Variants in LRRC38 observed in about 807,000 individuals in gnomAD.
The protein encoded by LRRC38 is leucine rich repeat containing 38.
In LRRC38, 5 loss-of-function variants were observed where a neutral mutation model predicts 16.4. The observed-to-expected ratio is 0.31, with a 90% CI of 0.16 to 0.64. LRRC38 has a LOEUF of 0.64. LRRC38 is among the 30% of genes least tolerant of loss of function. The pLI is 0.80. For missense variants in LRRC38, 341 were observed against 401.8 expected (o/e 0.85, Z 1.29); for synonymous variants, 191 against 190.2 (o/e 1.00, Z -0.04).
At chr1:13,503,050 C>T (rs72646369) in intron 1 of LRRC38, among the ~76,000 whole-genome samples, 1 of 152,268 alleles carries the variant, frequency 6.6e-6, no homozygotes, top group Non-Finnish European at 1.5e-5. Flanking sequence ...GGGACATTTG[C>T]CACAGGGACC....
At chr1:13,481,596 C>T (rs576795057) in intron 1 of LRRC38, among the ~76,000 whole-genome samples, 6 of 151,576 alleles carry the variant, frequency 4.0e-5, no homozygotes, top group East Asian at 2.0e-4. Flanking sequence ...GGGGTTTCAC[C>T]GTGTTAGCCA....
At chr1:13,481,504 T>G (rs376740464) in intron 1 of LRRC38, among the ~76,000 whole-genome samples, 13 of 151,874 alleles carry the variant, frequency 8.6e-5, no homozygotes, top group South Asian at 4.2e-4. Context: ...CCATTCTCCT[T>G]CCTCAGCCTC....
chr1:13,475,696 C>G lies in LRRC38; in HGVS notation c.*150G>C. 1 of 919,084 alleles carries G rather than the reference C, an allele frequency of 1.1e-6. No individual in the cohort carries two copies. Among genetic ancestry groups the G allele is most frequent in the Non-Finnish European group, 1.6e-6 (1 of 625,984 alleles). 56.9% of individuals were successfully genotyped at this position (919,084 alleles called of 1,614,324 possible). A position where few individuals can be genotyped will look rare whatever the true frequency, so the allele number is the denominator to read the frequency against. ...TAAACTCTGAGATCAGTGGTCCCAG[C>G]AGGTGTACCCAGGGGCCAAGACACG... On this transcript the variant is annotated 3_prime_UTR_variant, in exon 2 of 2. Coordinates refer to ENST00000376085, the MANE Select transcript of LRRC38 (RefSeq NM_001010847.2). The surrounding 1 kb of genome is among the most constrained non-coding windows in gnomAD (Gnocchi z 4.3).
At position 13,513,564 on chromosome 1, in the gene LRRC38, G is replaced by T. The variant is rs953439910; in HGVS notation, c.30C>A (p.Ala10=). 23 of 1,219,652 alleles carry T rather than the reference G, an allele frequency of 1.9e-5. No homozygotes were observed. In the African/African-American group the frequency reaches 3.5e-4, roughly 18 times the overall value. 75.6% of individuals were successfully genotyped at this position (1,219,652 alleles called of 1,614,324 possible). A position where few individuals can be genotyped will look rare whatever the true frequency, so the allele number is the denominator to read the frequency against. ...GAAGGCTGCAGAGCCCGAGCGCCGC[G>T]GCGGCGCAGGCTGGGGCTCGGGGGC... The part of the protein sequence containing the change: MRPRAPACA[A]AALGLCSLLL... The change falls in exon 1 of 2, where the codon GCC becomes GCA. Residue 10 remains alanine, a synonymous_variant. Coordinates refer to ENST00000376085, the MANE Select transcript of LRRC38 (RefSeq NM_001010847.2).
intron 1 of LRRC38, among the ~76,000 whole-genome samples, chr1:13,511,132 ATC>A (rs945110541): frequency 9.2e-5 from 14 of 152,190 alleles, no homozygotes; most frequent in Admixed American, 8.5e-4. Context: ...CGTCTTTCCT[ATC>A]TGAGTCCAGT....
chr1:13,500,975 G>A (rs116422215), intron 1 of LRRC38, among the ~76,000 whole-genome samples: 178 of 152,196 alleles, frequency 1.2e-3, no homozygotes, highest in African/African-American at 4.0e-3. Context: ...ACTATTCTGC[G>A]TGATTCTATG....
At chr1:13,490,273 C>T (rs1055831089) in intron 1 of LRRC38, among the ~76,000 whole-genome samples, 2 of 152,136 alleles carry the variant, frequency 1.3e-5, no homozygotes, top group Non-Finnish European at 2.9e-5. Flanking sequence ...ATTCTCCTGC[C>T]TCAGCCTCCC....
chr1:13,502,606 G>A (rs945774506), intron 1 of LRRC38, among the ~76,000 whole-genome samples: 1 of 152,236 alleles, frequency 6.6e-6, no homozygotes, highest in African/African-American at 2.4e-5. Flanking sequence ...ACTTGGAAGG[G>A]GAGATGAGGA....
chr1:13,497,670 A>AT (rs1232707188), intron 1 of LRRC38, among the ~76,000 whole-genome samples: 12 of 152,020 alleles, frequency 7.9e-5, no homozygotes, highest in African/African-American at 2.9e-4. Flanking sequence ...TTTTCCGTTG[A>AT]TTACACGCTG....
intron 1 of LRRC38, among the ~76,000 whole-genome samples, chr1:13,498,698 G>A (rs910374414): frequency 6.6e-6 from 1 of 152,190 alleles, no homozygotes; most frequent in African/African-American, 2.4e-5. Context: ...TCTAGAGGCT[G>A]TAACCCACTC....
intron 1 of LRRC38, among the ~76,000 whole-genome samples, chr1:13,485,947 T>C (rs1183243260): frequency 6.6e-6 from 1 of 152,138 alleles, no homozygotes; most frequent in Non-Finnish European, 1.5e-5. Flanking sequence ...TTCTTTCTTT[T>C]TTTGAGACGG....
At position 13,513,309 on chromosome 1, in the gene LRRC38, C is replaced by A. The variant is rs953447959; in HGVS notation, c.285G>T (p.Leu95=). ...CCGAGCCGCTGAACGTGCCCTCCTC[C>A]AGCGAGCGCAGCGAGTTGTTCCTGA... ...LDFRNNSLRS[L]EEGTFSGSAK... The change falls in exon 1 of 2, where the codon CTG becomes CTT. Residue 95 remains leucine (L), a synonymous_variant. Transcript: ENST00000376085. The A allele has an allele frequency of 2.6e-6, 4 of 1,550,768 alleles. No homozygotes were observed. The African/African-American group carries it at 5.5e-5, about 21-fold the overall frequency.
chr1:13,486,472 A>G (rs1053636661), intron 1 of LRRC38, among the ~76,000 whole-genome samples: 1 of 151,920 alleles, frequency 6.6e-6, no homozygotes, highest in African/African-American at 2.4e-5. Flanking sequence ...TAGGAATCAC[A>G]TATTTCATAC....
intron 1 of LRRC38, among the ~76,000 whole-genome samples, chr1:13,489,952 G>T (rs1638987920): frequency 6.6e-6 from 1 of 152,106 alleles, no homozygotes. Context: ...TGTAGAAGGG[G>T]CAGTGCAGTA....
At chr1:13,498,546 G>A (rs11587551) in intron 1 of LRRC38, among the ~76,000 whole-genome samples, 22,130 of 152,126 alleles carry the variant, frequency 0.15, 1,765 homozygotes, top group East Asian at 0.2. Flanking sequence ...CAGGAGAATC[G>A]CTTGAACCTG....
chr1:13,478,670 T>C (rs749809612), intron 1 of LRRC38, among the ~76,000 whole-genome samples: 16 of 152,210 alleles, frequency 1.1e-4, no homozygotes, highest in South Asian at 4.1e-4. Context: ...TATGTGAAAG[T>C]TGAAATGATT....
chr1:13,492,717 A>G (rs1639029259), intron 1 of LRRC38, among the ~76,000 whole-genome samples: 1 of 152,108 alleles, frequency 6.6e-6, no homozygotes, highest in Non-Finnish European at 1.5e-5. Flanking sequence ...AGAAAAAAAA[A>G]AGGACTTTTT....
Position 13,487,143 on chromosome 1 carries a change from T to C in LRRC38, c.632-11044A>G, listed in dbSNP as rs909463287. ...GGCTTCTCTTCAATTCTGTGAACTA[T>C]CTGACATCCCTGCAACAAATTCCTT... On this transcript the variant is annotated intron_variant, in intron 1 of 1. Coordinates refer to ENST00000376085, the MANE Select transcript of LRRC38 (RefSeq NM_001010847.2). This position sits in a 1 kb window ranked among gnomAD's most constrained non-coding sequence, Gnocchi z 4.4. 7.9e-5 allele frequency among the ~76,000 whole-genome samples: 12 copies of C among 152,342 alleles called. No individual in the cohort carries two copies. Among genetic ancestry groups the C allele is most frequent in the African/African-American group, 2.6e-4 (11 of 41,582 alleles).
At chr1:13,507,200 G>T (rs1428797916) in intron 1 of LRRC38, among the ~76,000 whole-genome samples, 1 of 152,200 alleles carries the variant, frequency 6.6e-6, no homozygotes, top group Non-Finnish European at 1.5e-5. Flanking sequence ...GGCACCAGAA[G>T]GCCAGACCAC....
Sources: gnomAD v4.1 joint callset for allele counts (sites outside exome capture counted in the v4.1 genomes callset) on GRCh38, gnomAD v4.1.1 for gene constraint, Gnocchi (gnomAD v3.1) non-coding constraint, MANE v1.5 for transcripts, NCBI Gene and HGNC (gene_info 2026-07-23, HGNC 2026-07-21) for gene names.